The following DAB1 variants were observed in gnomAD, a reference collection of about 807,000 sequenced individuals.
DAB1 encodes DAB adaptor protein 1.
A neutral mutation model predicts 64.6 loss-of-function variants in DAB1; 15 were observed. That is an observed-to-expected ratio of 0.23 (90% CI 0.16 to 0.36). The LOEUF is 0.36. Among genes scored for constraint, DAB1 ranks in the 10% least tolerant of loss-of-function variants. DAB1 has a pLI of 1.00. For missense variants in DAB1, 596 were observed against 706.7 expected (o/e 0.84, Z 1.78); for synonymous variants, 235 against 251.9 (o/e 0.93, Z 0.64).
chr1:58,016,775 A>G (rs2100443500), intron 5 of DAB1, among the ~76,000 whole-genome samples: 1 of 152,314 alleles, frequency 6.6e-6, no homozygotes, highest in Non-Finnish European at 1.5e-5. Context: ...TGTACTATGT[A>G]CCAGGTGCAA....
chr1:57,412,135 C>T (rs1262639390), intron 1 of DAB1, among the ~76,000 whole-genome samples: 2 of 152,190 alleles, frequency 1.3e-5, no homozygotes, highest in African/African-American at 4.8e-5. Flanking sequence ...GCACTATGAG[C>T]CATGCCCACA....
rs532569900 is a variant in DAB1 at position 58,126,589 on chromosome 1, G to A, written n.387+23922C>T. 4.4e-4 allele frequency among the ~76,000 whole-genome samples: 66 copies of A among 151,176 alleles called. No individual in the cohort carries two copies. In the Middle Eastern group the frequency reaches 0.01, roughly 23 times the overall value. Reference sequence around the variant, plus strand: ...TCATCTAGCATTAGGTATATCTCCTGATGCTATCCCTCCCCCCCTACCCCC... The same window carrying A: ...TCATCTAGCATTAGGTATATCTCCTAATGCTATCCCTCCCCCCCTACCCCC... On this transcript the variant is annotated intron_variant and non_coding_transcript_variant, in intron 5 of 20. Coordinates refer to the DAB1 transcript ENST00000485760.
rs111290790 is a variant in DAB1 at position 58,384,442 on chromosome 1, T to C, written n.258-41039A>G. On this transcript the variant is annotated intron_variant and non_coding_transcript_variant, in intron 3 of 20. Coordinates refer to the DAB1 transcript ENST00000485760. The stretch of plus-strand genomic sequence containing the variant: ...AAATAAGGAAGTACCAGGGATCTGC[T>C]GTACAACATAGCCTATAGTTAAAAA... Among the ~76,000 whole-genome samples, 340 of 152,342 alleles carry C rather than the reference T, an allele frequency of 2.2e-3. 2 individuals carry two copies. Among genetic ancestry groups the C allele is most frequent in the Middle Eastern group, 6.8e-3 (2 of 294 alleles).
chr1:57,017,528 G>A (rs759679824), intron 11 of DAB1, among the ~76,000 whole-genome samples: 3 of 152,110 alleles, frequency 2.0e-5, no homozygotes, highest in Non-Finnish European at 4.4e-5. Flanking sequence ...AATATTCAAG[G>A]CCTGGTCATT....
At chr1:58,109,651 C>T (rs1651862304) in intron 5 of DAB1, among the ~76,000 whole-genome samples, 3 of 151,780 alleles carry the variant, frequency 2.0e-5, no homozygotes. Context: ...CTCACGTGGG[C>T]CAAGGGCGTA....
intron 7 of DAB1, among the ~76,000 whole-genome samples, chr1:57,645,581 T>A (rs984539056): frequency 6.6e-6 from 1 of 152,238 alleles, no homozygotes; most frequent in African/African-American, 2.4e-5. Context: ...TGAGCAGTAA[T>A]AACTGCTGAC....
intron 5 of DAB1, among the ~76,000 whole-genome samples, chr1:58,149,725 C>T (rs536418564): frequency 6.6e-4 from 100 of 152,248 alleles, no homozygotes; most frequent in African/African-American, 2.3e-3. Context: ...TTTTACCAAA[C>T]GGGGAGTTTT....
intron 9 of DAB1, among the ~76,000 whole-genome samples, chr1:57,055,441 C>T (rs1649650308): frequency 6.6e-6 from 1 of 152,072 alleles, no homozygotes; most frequent in Non-Finnish European, 1.5e-5. Flanking sequence ...CATCCTGAAT[C>T]AATAGGTCAA....
rs552652298 is a variant in DAB1, at chr1:57,583,626, G to C, written n.625+65966C>G. Among the ~76,000 whole-genome samples, 3 of 152,172 alleles carry C rather than the reference G, an allele frequency of 2.0e-5. No individual in the cohort carries two copies. In the South Asian group the frequency reaches 6.2e-4, roughly 32 times the overall value. The stretch of plus-strand genomic sequence containing the variant: ...TAAATGATGGGATTGGATTTCTGTT[G>C]GCAAACCAGTAGCCCATGGGCCAGA... On this transcript the variant is annotated intron_variant and non_coding_transcript_variant, in intron 7 of 20. Coordinates refer to the DAB1 transcript ENST00000485760.
chr1:58,364,248 TGGGAGTA>T (rs1042312789), intron 3 of DAB1, among the ~76,000 whole-genome samples: 2 of 152,194 alleles, frequency 1.3e-5, no homozygotes, highest in Non-Finnish European at 2.9e-5. Context: ...GAGGTTGGCT[TGGGAGTA>T]GGAAGAGAGG....
upstream of DAB1, among the ~76,000 whole-genome samples, chr1:57,427,959 G>A (rs1357610407): frequency 1.3e-5 from 2 of 152,158 alleles, no homozygotes; most frequent in African/African-American, 2.4e-5. Context: ...CCTGAGGTCA[G>A]GAGTTTGAGA....
intron 2 of DAB1, among the ~76,000 whole-genome samples, chr1:57,156,225 G>T (rs112437094): frequency 6.8e-4 from 103 of 152,212 alleles, no homozygotes; most frequent in African/African-American, 2.4e-3. Context: ...TGCACTATCT[G>T]ACCAAAAATG....
At chr1:58,106,445 A>C (rs1651645442) in intron 5 of DAB1, among the ~76,000 whole-genome samples, 1 of 152,126 alleles carries the variant, frequency 6.6e-6, no homozygotes. Context: ...CAGCCTTCCA[A>C]AGTGTTGGAA....
At chr1:57,414,437 A>G (rs979737280) in intron 1 of DAB1, among the ~76,000 whole-genome samples, 1 of 152,224 alleles carries the variant, frequency 6.6e-6, no homozygotes, top group Admixed American at 6.5e-5. Flanking sequence ...CAATTAAGGT[A>G]TGTACATTGA....
At chr1:57,545,814 A>G (rs1312830752) in intron 7 of DAB1, among the ~76,000 whole-genome samples, 2 of 152,176 alleles carry the variant, frequency 1.3e-5, no homozygotes, top group Non-Finnish European at 1.5e-5. Flanking sequence ...CACTCCTGGA[A>G]GACAGGTGCT....
intron 1 of DAB1, among the ~76,000 whole-genome samples, chr1:57,378,459 G>A (rs114747222): frequency 0.031 from 4,708 of 152,270 alleles, 135 homozygotes; most frequent in Non-Finnish European, 0.044. Flanking sequence ...ATTACGAAAA[G>A]CTATAAATAA....
intron 5 of DAB1, among the ~76,000 whole-genome samples, chr1:58,147,767 C>A (rs1654690623): frequency 6.6e-6 from 1 of 152,010 alleles, no homozygotes; most frequent in Non-Finnish European, 1.5e-5. Flanking sequence ...CTAGATATTC[C>A]CACAAATGCA....
chr1:57,118,417 G>C (rs1463637614), intron 4 of DAB1, among the ~76,000 whole-genome samples: 1 of 152,124 alleles, frequency 6.6e-6, no homozygotes, highest in Non-Finnish European at 1.5e-5. Context: ...TCCCAGTTAA[G>C]GTGAAAGATT....
intron 4 of DAB1, among the ~76,000 whole-genome samples, chr1:57,129,679 C>T (rs541390941): frequency 1.4e-4 from 22 of 152,232 alleles, no homozygotes; most frequent in Non-Finnish European, 2.8e-4. Flanking sequence ...GCTCGCTTCT[C>T]TTTGGGTTTC....
Sources: gnomAD v4.1 joint callset for allele counts (sites outside exome capture counted in the v4.1 genomes callset) on GRCh38, gnomAD v4.1.1 for gene constraint, MANE v1.5 for transcripts, NCBI Gene and HGNC (gene_info 2026-07-23, HGNC 2026-07-21) for gene names.